Variants in PHF21A observed in about 807,000 individuals in gnomAD.
PHF21A encodes the protein PHD finger protein 21A.
Under a neutral mutation model 82.5 loss-of-function variants are expected in PHF21A, and 11 were observed. That is an observed-to-expected ratio of 0.13 (90% CI 0.08 to 0.22). PHF21A has a LOEUF of 0.22. PHF21A is among the 10% of genes least tolerant of loss of function. The pLI, the probability that PHF21A is intolerant of heterozygous loss-of-function variation, is 1.00. For missense variants in PHF21A, 579 were observed against 837.8 expected, an observed-to-expected ratio of 0.69 and a Z score of 3.81; for synonymous variants, 297 against 302.8, an observed-to-expected ratio of 0.98 and a Z score of 0.20.
intron 11 of PHF21A, 132 bp from the exon 12 acceptor site, chr11:45,950,389 C>A: frequency 1.7e-6 from 1 of 600,210 alleles, no homozygotes. Context: ...AGCAGGCATT[C>A]TCTAAGCAGC....
intron 3 of PHF21A, among the ~76,000 whole-genome samples, chr11:46,090,043 A>G (rs191331153): frequency 3.8e-4 from 57 of 151,686 alleles, no homozygotes; most frequent in African/African-American, 1.4e-3. Flanking sequence ...ACATTCTTCT[A>G]TTTCCTAACT....
At chr11:46,058,156 C>G (rs1242659120) in intron 6 of PHF21A, among the ~76,000 whole-genome samples, 4 of 152,130 alleles carry the variant, frequency 2.6e-5, no homozygotes, top group African/African-American at 9.7e-5. Context: ...CTACATTCTA[C>G]TGCTGCCTTA....
At chr11:46,094,028 C>G (rs576048171) in intron 1 of PHF21A, among the ~76,000 whole-genome samples, 2 of 152,044 alleles carry the variant, frequency 1.3e-5, no homozygotes, top group Non-Finnish European at 2.9e-5. Flanking sequence ...ACCACAGAAT[C>G]GGAGGTGATA....
intron 16 of PHF21A, 80 bp from the exon 17 acceptor site, chr11:45,936,649 G>A: frequency 1.1e-6 from 1 of 902,204 alleles, no homozygotes; most frequent in Non-Finnish European, 1.8e-6. Context: ...AGTGGTATCT[G>A]TGGCTACTGG....
At chr11:45,968,931 CAAAAAAAAAAAAAAA>C (rs59583388) in intron 9 of PHF21A, among the ~76,000 whole-genome samples, 2 of 85,666 alleles carry the variant, frequency 2.3e-5, no homozygotes, top group African/African-American at 3.7e-5. Flanking sequence ...AACTCCATTG[CAAAAAAAAAAAAAAA>C]AAAAAAAAAA....
chr11:45,990,747 C>A (rs1214801013), intron 6 of PHF21A, among the ~76,000 whole-genome samples: 1 of 150,676 alleles, frequency 6.6e-6, no homozygotes, highest in Non-Finnish European at 1.5e-5. Context: ...ATTTTTAGAG[C>A]AGTTTTAGGT....
chr11:46,051,388 C>T (rs1005540513), intron 6 of PHF21A, among the ~76,000 whole-genome samples: 12 of 152,170 alleles, frequency 7.9e-5, no homozygotes, highest in South Asian at 2.1e-4. Flanking sequence ...TTGTGACAGC[C>T]GGAATGAAAA....
At chr11:46,118,563 T>A (rs114873973) in intron 1 of PHF21A, among the ~76,000 whole-genome samples, 3,316 of 152,252 alleles carry the variant, frequency 0.022, 112 homozygotes, top group African/African-American at 0.074. Context: ...AATTTTTTTA[T>A]AAACATTAGC....
chr11:46,103,319 T>C (rs1042837112), intron 1 of PHF21A, among the ~76,000 whole-genome samples: 2 of 152,212 alleles, frequency 1.3e-5, no homozygotes, highest in African/African-American at 4.8e-5. Flanking sequence ...GAAAACTTAA[T>C]ACTATATATT....
intron 6 of PHF21A, among the ~76,000 whole-genome samples, chr11:46,000,916 G>A (rs1045321492): frequency 2.6e-5 from 4 of 151,390 alleles, no homozygotes; most frequent in Admixed American, 6.6e-5. Flanking sequence ...GTGAACCTCC[G>A]TCTCAAAAAA....
chr11:45,965,683 CTA>C (rs1412956935), intron 9 of PHF21A, 75 bp from the exon 10 acceptor site: 16 of 1,126,496 alleles, frequency 1.4e-5, no homozygotes, highest in Admixed American at 5.6e-5. Context: ...CTTCCACACT[CTA>C]TGTATGAAAT....
intron 1 of PHF21A, among the ~76,000 whole-genome samples, chr11:46,095,108 C>G (rs146332874): frequency 6.6e-6 from 1 of 152,114 alleles, no homozygotes; most frequent in African/African-American, 2.4e-5. Flanking sequence ...ACTAATGATT[C>G]TTAAACACTG....
intron 1 of PHF21A, among the ~76,000 whole-genome samples, chr11:46,101,842 C>G (rs1472505437): frequency 2.6e-5 from 4 of 151,344 alleles, no homozygotes; most frequent in Non-Finnish European, 5.9e-5. Flanking sequence ...CACCATGTTG[C>G]CCGTGCTGGT....
intron 6 of PHF21A, among the ~76,000 whole-genome samples, chr11:46,011,806 T>C (rs1338200547): frequency 6.6e-6 from 1 of 152,174 alleles, no homozygotes; most frequent in Non-Finnish European, 1.5e-5. Flanking sequence ...ATTGCAAAGA[T>C]AAAAAAATCA....
At chr11:46,046,576 A>T (rs929579223) in intron 6 of PHF21A, among the ~76,000 whole-genome samples, 1 of 152,202 alleles carries the variant, frequency 6.6e-6, no homozygotes, top group East Asian at 1.9e-4. Context: ...TTCTAAGGCA[A>T]TCTCACAGAG....
chr11:46,000,084 G>C (rs2095064556), intron 6 of PHF21A, among the ~76,000 whole-genome samples: 1 of 152,142 alleles, frequency 6.6e-6, no homozygotes, highest in Non-Finnish European at 1.5e-5. Context: ...CAGTACATTA[G>C]CCCTTTTAAC....
intron 6 of PHF21A, among the ~76,000 whole-genome samples, chr11:45,993,188 A>G (rs1480718548): frequency 6.6e-6 from 1 of 152,222 alleles, no homozygotes; most frequent in African/African-American, 2.4e-5. Flanking sequence ...CGACTATTTA[A>G]TAATTTTTCA....
At position 45,980,075 on chromosome 11, in the gene PHF21A, T is replaced by C. The variant is rs1327449979; in HGVS notation, c.154-109A>G. On this transcript the variant is annotated intron_variant, in intron 6 of 18. Transcript: ENST00000676320. ...TATAAATAGCTTCATCTAAAACTTA[T>C]TACATCTAAATTTACACAGGTTCTA... is the stretch of plus-strand genomic sequence containing the variant. 2.0e-6 allele frequency: 3 copies of C among 1,487,634 alleles called. No individual in the cohort carries two copies. In the African/African-American group the frequency reaches 4.2e-5, roughly 21 times the overall value. 92.2% of individuals were successfully genotyped at this position (1,487,634 alleles called of 1,614,324 possible). A position where few individuals can be genotyped will look rare whatever the true frequency, so the allele number is the denominator to read the frequency against.
At chr11:45,946,099 C>T in intron 14 of PHF21A, 96 bp from the exon 15 acceptor site, 1 of 1,613,870 alleles carries the variant, frequency 6.2e-7, no homozygotes, top group Non-Finnish European at 8.5e-7. Flanking sequence ...TCCTCATTGG[C>T]TAGCATGGAA....
Sources: gnomAD v4.1 joint callset for allele counts (sites outside exome capture counted in the v4.1 genomes callset) on GRCh38, gnomAD v4.1.1 for gene constraint, MANE v1.5 for transcripts, NCBI Gene and HGNC (gene_info 2026-07-23, HGNC 2026-07-21) for gene names.